Variants in ITPR1 observed in about 807,000 individuals in gnomAD.
The protein encoded by ITPR1 is inositol 1,4,5-trisphosphate-gated calcium channel ITPR1.
ITPR1 carries 96 observed loss-of-function variants against 318.4 expected under a neutral mutation model. The observed-to-expected ratio is 0.30, with a 90% confidence interval of 0.26 to 0.36. The LOEUF (loss-of-function observed/expected upper bound fraction) is 0.36. Ranked by LOEUF, ITPR1 falls within the 10% of genes least tolerant of loss-of-function variation. ITPR1 has a pLI of 1.00. For missense variants in ITPR1, 2,440 were observed against 3,460.2 expected (o/e 0.71, Z 7.40); for synonymous variants, 1,312 against 1,289.9 (o/e 1.02, Z -0.37).
intron 4 of ITPR1, among the ~76,000 whole-genome samples, chr3:4,554,280 AT>A (rs2085890050): frequency 1.3e-5 from 2 of 152,200 alleles, no homozygotes; most frequent in South Asian, 4.1e-4. Flanking sequence ...TTAGCAGTGT[AT>A]CATTCTTTAT....
Position 4,653,995 on chromosome 3 carries a change from G to A in ITPR1, c.996+109G>A, listed in dbSNP as rs896780480. 4 of 738,822 alleles carry A rather than the reference G, an allele frequency of 5.4e-6. No individual in the cohort carries two copies. In the African/African-American group the frequency reaches 7.0e-5, roughly 13 times the overall value. The allele number at this position is 738,822 out of a possible 1,614,324, so 45.8% of individuals were successfully genotyped here. On this transcript the variant is annotated intron_variant, in intron 12 of 61. Coordinates refer to ENST00000649015, the MANE Select transcript of ITPR1 (RefSeq NM_001378452.1). ...GTGGTCACGGAGTGCTGGGGAAGGA[G>A]GAACCTTAGGCTCCCTTAAAACACG...
intron 53 of ITPR1, 37 bp downstream of exon 53, chr3:4,795,224 G>T: frequency 6.3e-7 from 1 of 1,599,948 alleles, no homozygotes; most frequent in Non-Finnish European, 8.5e-7. Flanking sequence ...CCTATTAGAA[G>T]CAGCAGGAAG....
chr3:4,755,746 C>G (rs145409787), intron 44 of ITPR1, among the ~76,000 whole-genome samples: 1 of 152,222 alleles, frequency 6.6e-6, no homozygotes, highest in Non-Finnish European at 1.5e-5. Flanking sequence ...TAGCGAAGGG[C>G]GTCTGCCCCA....
chr3:4,695,067 A>G (rs985900115), intron 33 of ITPR1, among the ~76,000 whole-genome samples: 2 of 152,340 alleles, frequency 1.3e-5, no homozygotes, highest in East Asian at 1.9e-4. Flanking sequence ...AAGATGCCAG[A>G]TGTTTTTTTA....
intron 5 of ITPR1, among the ~76,000 whole-genome samples, chr3:4,635,053 T>C (rs971278726): frequency 6.6e-6 from 1 of 152,172 alleles, no homozygotes; most frequent in Non-Finnish European, 1.5e-5. Flanking sequence ...TCTATCCTCA[T>C]TTTTAATGGC....
chr3:4,813,136 T>C lies in ITPR1; in HGVS notation c.7469-6T>C. The C allele has an allele frequency of 6.2e-7, 1 of 1,613,164 alleles. No individual in the cohort carries two copies. ...GTTCATCATAAAATTTCCTTCTCTC[T>C]CCCAGAAACCGGCGAGAGTTTGGCA... On this transcript the variant is annotated splice_region_variant and splice_polypyrimidine_tract_variant and intron_variant, in intron 56 of 61. Transcript: ENST00000649015.
intron 35 of ITPR1, among the ~76,000 whole-genome samples, chr3:4,702,363 C>T (rs9831844): frequency 0.28 from 42,756 of 152,036 alleles, 6,927 homozygotes; most frequent in Non-Finnish European, 0.38. Flanking sequence ...TTTGTTTTTG[C>T]TGATTAAAGA....
intron 1 of ITPR1, 129 bp downstream of exon 1, chr3:4,493,734 T>G (rs369460089): frequency 5.3e-5 from 8 of 152,230 alleles, no homozygotes; most frequent in African/African-American, 1.7e-4. Context: ...GGGGGTTCCT[T>G]TACTGCGGGC....
chr3:4,776,665 A>AG (rs1385653258), intron 47 of ITPR1, among the ~76,000 whole-genome samples: 1 of 152,228 alleles, frequency 6.6e-6, no homozygotes, highest in East Asian at 1.9e-4. Flanking sequence ...GAACAAAAAA[A>AG]ATACAACAGG....
intron 44 of ITPR1, among the ~76,000 whole-genome samples, chr3:4,742,312 C>T (rs1010482579): frequency 2.0e-5 from 3 of 152,216 alleles, no homozygotes; most frequent in African/African-American, 4.8e-5. Flanking sequence ...CTAGTCCCTT[C>T]CTTATGGAGT....
intron 17 of ITPR1, 79 bp from the exon 18 acceptor site, chr3:4,667,298 T>C: frequency 8.9e-7 from 1 of 1,121,170 alleles, no homozygotes; most frequent in South Asian, 1.5e-5. Context: ...TCAGGAAACA[T>C]TGCTGCTTTC....
In ITPR1 at chr3:4,823,574, T is replaced by A. The variant is rs1419079133; in HGVS notation, c.8028+5332T>A. Among the ~76,000 whole-genome samples the A allele has an allele frequency of 4.6e-5, 7 of 152,076 alleles. No homozygotes were observed. In the East Asian group the frequency reaches 1.3e-3, roughly 29 times the overall value. On this transcript the variant is annotated intron_variant, in intron 60 of 61. Coordinates refer to ENST00000649015, the MANE Select transcript of ITPR1 (RefSeq NM_001378452.1). The stretch of plus-strand genomic sequence containing the variant: ...CAAGCACAAAAAGACAAATATTGCA[T>A]GTTCTCATTTATATGTGGGGGCTAA...
chr3:4,758,973 A>G (rs1345699763), intron 44 of ITPR1, among the ~76,000 whole-genome samples: 1 of 152,230 alleles, frequency 6.6e-6, no homozygotes, highest in East Asian at 1.9e-4. Context: ...TCAGATGCAA[A>G]GTGCTACAGT....
intron 5 of ITPR1, among the ~76,000 whole-genome samples, chr3:4,632,507 G>T (rs2125136394): frequency 6.6e-6 from 1 of 152,314 alleles, no homozygotes; most frequent in Middle Eastern, 3.4e-3. Context: ...GGGAATGTGG[G>T]CTGAGAGCTG....
chr3:4,730,883 G>A (rs1307700976), intron 42 of ITPR1, among the ~76,000 whole-genome samples: 2 of 152,128 alleles, frequency 1.3e-5, no homozygotes, highest in Non-Finnish European at 2.9e-5. Flanking sequence ...CGATGGCTAC[G>A]TTGGCTGTCT....
intron 61 of ITPR1, among the ~76,000 whole-genome samples, chr3:4,840,029 CTTTTTTTTTTTTTT>C (rs56096727): frequency 0.032 from 3,374 of 105,004 alleles, 127 homozygotes; most frequent in Middle Eastern, 0.1. Flanking sequence ...AGCATAGCTG[CTTTTTTTTTTTTTT>C]TTTTTTTTTT....
intron 4 of ITPR1, among the ~76,000 whole-genome samples, chr3:4,546,573 G>T (rs1201103690): frequency 6.6e-6 from 1 of 152,162 alleles, no homozygotes; most frequent in East Asian, 1.9e-4. Flanking sequence ...AGTAGCAAAT[G>T]CATGCTCTGC....
chr3:4,695,109 C>T (rs2094537580), intron 33 of ITPR1, among the ~76,000 whole-genome samples: 1 of 152,144 alleles, frequency 6.6e-6, no homozygotes, highest in Non-Finnish European at 1.5e-5. Flanking sequence ...TATAGATGTA[C>T]TGTCACGGCC....
At chr3:4,831,119 T>TCACACACA (rs1473145180) in intron 60 of ITPR1, 14 of 272,416 alleles carry the variant, frequency 5.1e-5, no homozygotes, top group Non-Finnish European at 9.7e-5. Context: ...TCTCTCTCTC[T>TCACACACA]CTCTCTCTCT....
Sources: gnomAD v4.1 joint callset for allele counts (sites outside exome capture counted in the v4.1 genomes callset) on GRCh38, gnomAD v4.1.1 for gene constraint, MANE v1.5 for transcripts, NCBI Gene and HGNC (gene_info 2026-07-23, HGNC 2026-07-21) for gene names.